Variants in PDE1A observed in about 807,000 individuals in gnomAD.
PDE1A encodes dual specificity calcium/calmodulin-dependent 3',5'-cyclic nucleotide phosphodiesterase 1A.
In PDE1A, 35 loss-of-function variants were observed where a neutral mutation model predicts 61.7. The observed-to-expected ratio is 0.57, with a 90% CI of 0.43 to 0.75. The LOEUF (loss-of-function observed/expected upper bound fraction) is 0.75. PDE1A is among the 30% of genes least tolerant of loss of function. The pLI, the probability that PDE1A is intolerant of heterozygous loss-of-function variation, is 0.00. For synonymous variants in PDE1A, 232 were observed against 213.2 expected (o/e 1.09, Z -0.77); for missense variants, 597 against 630.6 (o/e 0.95, Z 0.57).
chr2:182,599,533 C>G, the PDE1A span, among the ~76,000 whole-genome samples: 2 of 152,174 alleles, frequency 1.3e-5, no homozygotes, highest in Non-Finnish European at 2.9e-5. Flanking sequence ...TGCCAGAGAA[C>G]TTGTGGATAT....
chr2:182,421,379 G>A (rs1185987319), intron 1 of PDE1A, among the ~76,000 whole-genome samples: 2 of 152,124 alleles, frequency 1.3e-5, no homozygotes, highest in African/African-American at 4.8e-5. Flanking sequence ...CCCTGTTCCT[G>A]ACTCTATACC....
intron 13 of PDE1A, among the ~76,000 whole-genome samples, chr2:182,162,499 CTCAA>C (rs1455942961): frequency 6.6e-6 from 1 of 152,158 alleles, no homozygotes; most frequent in Non-Finnish European, 1.5e-5. Context: ...ATCACTGCCC[CTCAA>C]TCAATTTCTA....
At chr2:182,176,160 C>T (rs1288831133) in intron 13 of PDE1A, among the ~76,000 whole-genome samples, 20 of 148,206 alleles carry the variant, frequency 1.3e-4, no homozygotes, top group African/African-American at 3.1e-4. Context: ...ATTGACTTGG[C>T]GATGCGGGCT....
At chr2:182,424,546 C>T (rs759307214) in intron 1 of PDE1A, among the ~76,000 whole-genome samples, 1 of 152,048 alleles carries the variant, frequency 6.6e-6, no homozygotes, top group Non-Finnish European at 1.5e-5. Context: ...GAACAAGGTG[C>T]CTAAGAAAGG....
intron 11 of PDE1A, among the ~76,000 whole-genome samples, chr2:182,188,556 A>C (rs116718940): frequency 1.3e-5 from 2 of 152,334 alleles, no homozygotes; most frequent in African/African-American, 2.4e-5. Context: ...TCATGACAGA[A>C]TATTTTTCCA....
upstream of PDE1A, among the ~76,000 whole-genome samples, chr2:182,429,266 A>T (rs1574637506): frequency 5.9e-5 from 9 of 152,178 alleles, no homozygotes; most frequent in South Asian, 1.5e-3. Context: ...ATTGGAAAAA[A>T]GTTGGCTTTA....
chr2:182,542,288 A>T, the PDE1A span, among the ~76,000 whole-genome samples: 1 of 152,268 alleles, frequency 6.6e-6, no homozygotes, highest in South Asian at 2.1e-4. Flanking sequence ...CAATTTCACA[A>T]AAAGATGTAT....
intron 3 of PDE1A, among the ~76,000 whole-genome samples, chr2:182,239,302 G>A (rs993941086): frequency 2.0e-5 from 3 of 152,030 alleles, no homozygotes; most frequent in African/African-American, 7.2e-5. Flanking sequence ...AACTTTATTA[G>A]TTTCTAAAAT....
chr2:182,500,913 T>C (rs1364874569), intron 2 of PDE1A, among the ~76,000 whole-genome samples: 1 of 151,866 alleles, frequency 6.6e-6, no homozygotes, highest in African/African-American at 2.4e-5. Context: ...AGTTAGTGAA[T>C]AGCAGTTGCA....
chr2:182,590,875 C>T, the PDE1A span, among the ~76,000 whole-genome samples: 1 of 152,212 alleles, frequency 6.6e-6, no homozygotes, highest in Admixed American at 6.5e-5. Flanking sequence ...AGCGAAACAA[C>T]TCAGTTGTGT....
chr2:182,195,095 G>A (rs1686030899), intron 10 of PDE1A, among the ~76,000 whole-genome samples: 1 of 151,934 alleles, frequency 6.6e-6, no homozygotes, highest in African/African-American at 2.4e-5. Flanking sequence ...CTCTTAATTG[G>A]TTACTTTTTA....
chr2:182,404,807 G>A (rs776066881), intron 1 of PDE1A, among the ~76,000 whole-genome samples: 36 of 152,084 alleles, frequency 2.4e-4, no homozygotes, highest in Non-Finnish European at 5.3e-4. Context: ...CATCTCCTTT[G>A]TTAACAATGC....
intron 1 of PDE1A, among the ~76,000 whole-genome samples, chr2:182,351,869 C>T (rs1420867650): frequency 1.3e-5 from 2 of 152,136 alleles, no homozygotes; most frequent in Non-Finnish European, 2.9e-5. Flanking sequence ...AGAGCATTAT[C>T]TGGATTAAGA....
exon 6 of PDE1A, chr2:182,230,016 G>A: frequency 6.2e-7 from 1 of 1,611,760 alleles, no homozygotes; most frequent in Non-Finnish European, 8.5e-7. Flanking sequence ...CATGATACCT[G>A]TATGAAGCAT....
intron 1 of PDE1A, among the ~76,000 whole-genome samples, chr2:182,324,779 G>A (rs1020771973): frequency 6.6e-6 from 1 of 152,098 alleles, no homozygotes; most frequent in Admixed American, 6.6e-5. Flanking sequence ...TCCATTCACT[G>A]TACAGTTGAC....
At chr2:182,689,433 G>C in the PDE1A span, among the ~76,000 whole-genome samples, 1 of 152,066 alleles carries the variant, frequency 6.6e-6, no homozygotes, top group African/African-American at 2.4e-5. Flanking sequence ...TGACTACTGG[G>C]TACATAACAA....
intron 13 of PDE1A, among the ~76,000 whole-genome samples, chr2:182,178,798 A>C (rs2125361050): frequency 6.6e-6 from 1 of 152,214 alleles, no homozygotes; most frequent in Non-Finnish European, 1.5e-5. Context: ...GAGAAGGAGA[A>C]GAAAAGAGAG....
intron 7 of PDE1A, 117 bp downstream of exon 7, chr2:182,223,743 AAATT>A (rs1688917551): frequency 3.5e-6 from 2 of 569,224 alleles, no homozygotes; most frequent in Non-Finnish European, 6.0e-6. Context: ...ATTTTGCTAA[AAATT>A]AATTAAACCT....
At chr2:182,687,307 C>T in the PDE1A span, among the ~76,000 whole-genome samples, 2 of 152,286 alleles carry the variant, frequency 1.3e-5, no homozygotes, top group Non-Finnish European at 2.9e-5. Context: ...TGACACCACA[C>T]AGGGCTGGGT....
Sources: allele counts gnomAD v4.1 joint callset (sites outside exome capture counted in the v4.1 genomes callset), GRCh38; gene constraint gnomAD v4.1.1; transcripts MANE v1.5; gene names NCBI Gene and HGNC (gene_info 2026-07-23, HGNC 2026-07-21).